The following EHBP1 variants were observed in gnomAD, a reference collection of about 807,000 sequenced individuals.
EHBP1 encodes EH domain binding protein 1.
Under a neutral mutation model 144.0 loss-of-function variants are expected in EHBP1, and 55 were observed. The observed-to-expected ratio is 0.38, with a 90% CI of 0.31 to 0.48. EHBP1 has a LOEUF of 0.48. EHBP1 is among the 20% of genes least tolerant of loss of function. The pLI, the probability that EHBP1 is intolerant of heterozygous loss-of-function variation, is 0.98. For missense variants in EHBP1, 1,200 were observed against 1,364.2 expected, an observed-to-expected ratio of 0.88 and a Z score of 1.90; for synonymous variants, 469 against 472.7, an observed-to-expected ratio of 0.99 and a Z score of 0.10.
intron 19 of EHBP1, among the ~76,000 whole-genome samples, chr2:63,022,827 AAG>A (rs1402268378): frequency 6.6e-6 from 1 of 152,178 alleles, no homozygotes; most frequent in African/African-American, 2.4e-5. Flanking sequence ...TCATCAGAAA[AAG>A]TTTACAGTGT....
rs560353742 is a variant in EHBP1, at chr2:62,681,668, C to T, written c.-296+7585C>T. Among the ~76,000 whole-genome samples, 63 of 152,044 alleles carry T rather than the reference C, an allele frequency of 4.1e-4. 1 individual carries two copies. Among genetic ancestry groups the T allele is most frequent in the African/African-American group, 1.4e-3 (56 of 41,466 alleles). ...TAAAATACTGAAAAATGTTTTCCCC[C>T]CTGTTTTTTAGTTTTGCACCTGGAA... On this transcript the variant is annotated intron_variant, in intron 1 of 22. Transcript: ENST00000405015.
At chr2:62,850,524 T>A (rs1451219555) in intron 7 of EHBP1, among the ~76,000 whole-genome samples, 1 of 152,166 alleles carries the variant, frequency 6.6e-6, no homozygotes, top group African/African-American at 2.4e-5. Context: ...CTTATTCTCA[T>A]CAATGTGAAG....
chr2:62,953,083 G>GTA (rs2057474410), intron 13 of EHBP1, among the ~76,000 whole-genome samples: 4 of 151,990 alleles, frequency 2.6e-5, no homozygotes, highest in Admixed American at 2.0e-4. Context: ...CCAGGGTGGT[G>GTA]GCACATGCCT....
chr2:62,741,742 T>C (rs1457283030), intron 2 of EHBP1, among the ~76,000 whole-genome samples: 1 of 152,094 alleles, frequency 6.6e-6, no homozygotes, highest in Non-Finnish European at 1.5e-5. Context: ...GTTCTGAATC[T>C]GTGGATTCAG....
intron 19 of EHBP1, among the ~76,000 whole-genome samples, chr2:62,999,799 C>CA (rs1230089742): frequency 6.6e-6 from 1 of 152,128 alleles, no homozygotes; most frequent in Non-Finnish European, 1.5e-5. Flanking sequence ...GTCTGAATCT[C>CA]TGTTTTCATT....
chr2:62,689,848 A>C (rs1350562654), intron 1 of EHBP1, among the ~76,000 whole-genome samples: 2 of 152,196 alleles, frequency 1.3e-5, no homozygotes, highest in African/African-American at 4.8e-5. Flanking sequence ...TGGATGAATG[A>C]TAAAGTATAC....
At chr2:62,872,519 G>A (rs373663446) in intron 9 of EHBP1, among the ~76,000 whole-genome samples, 15 of 152,002 alleles carry the variant, frequency 9.9e-5, no homozygotes, top group African/African-American at 2.9e-4. Flanking sequence ...GTAGAGAAAG[G>A]GATAAGTGTT....
At chr2:62,977,921 G>A (rs952459145) in intron 14 of EHBP1, among the ~76,000 whole-genome samples, 1 of 152,134 alleles carries the variant, frequency 6.6e-6, no homozygotes, top group Non-Finnish European at 1.5e-5. Flanking sequence ...GGAAGAATGA[G>A]TAGAAATTAA....
At chr2:62,763,502 G>A (rs7573756) in intron 3 of EHBP1, among the ~76,000 whole-genome samples, 51,025 of 152,008 alleles carry the variant, frequency 0.34, 8,601 homozygotes, top group Middle Eastern at 0.43. Flanking sequence ...AAAGTACTCT[G>A]TAAGTGTTAG....
At chr2:62,725,251 G>A (rs2036647226) in intron 2 of EHBP1, among the ~76,000 whole-genome samples, 1 of 152,154 alleles carries the variant, frequency 6.6e-6, no homozygotes, top group South Asian at 2.1e-4. Context: ...TCATTTGCTT[G>A]TGCCTTATTT....
intron 14 of EHBP1, among the ~76,000 whole-genome samples, chr2:62,958,289 G>T (rs944967666): frequency 1.1e-4 from 16 of 152,132 alleles, no homozygotes; most frequent in African/African-American, 3.4e-4. Flanking sequence ...TTTGTTTGTA[G>T]TACCCAGAAA....
At chr2:62,957,341 A>G (rs2057753432) in intron 14 of EHBP1, among the ~76,000 whole-genome samples, 1 of 152,150 alleles carries the variant, frequency 6.6e-6, no homozygotes, top group Non-Finnish European at 1.5e-5. Context: ...ATAGAAAGGA[A>G]CTTTATTACT....
At chr2:63,029,702 A>T (rs1021714172) in intron 19 of EHBP1, among the ~76,000 whole-genome samples, 1 of 152,140 alleles carries the variant, frequency 6.6e-6, no homozygotes, top group Non-Finnish European at 1.5e-5. Context: ...CAAGGGGCTC[A>T]ATTTTTTTTA....
At chr2:62,943,907 C>A in intron 12 of EHBP1, 57 bp downstream of exon 12, 6 of 1,347,922 alleles carry the variant, frequency 4.5e-6, no homozygotes, top group South Asian at 2.5e-5. Flanking sequence ...CTCTGCAGGT[C>A]TTTATTAATT....
intron 2 of EHBP1, among the ~76,000 whole-genome samples, chr2:62,742,757 G>A (rs2152116156): frequency 6.6e-6 from 1 of 152,204 alleles, no homozygotes; most frequent in East Asian, 1.9e-4. Flanking sequence ...CCCTACTTCT[G>A]TTGACTTGGA....
intron 15 of EHBP1, among the ~76,000 whole-genome samples, chr2:62,983,066 G>A (rs1490705050): frequency 6.6e-6 from 1 of 152,062 alleles, no homozygotes; most frequent in African/African-American, 2.4e-5. Context: ...TACTTGTGGG[G>A]CTTATGAGAA....
chr2:62,874,478 A>C lies in EHBP1; in HGVS notation c.1131A>C (p.Gly377=). 2.5e-6 allele frequency: 4 copies of C among 1,612,006 alleles called. No homozygotes were observed. The South Asian group carries it at 4.4e-5, about 18-fold the overall frequency. The change falls in exon 10 of 23, where the codon GGA becomes GGC. Residue 377 remains glycine (G), a synonymous_variant. Coordinates refer to ENST00000431489, the MANE Select transcript of EHBP1 (RefSeq NM_001142616.3). Reference sequence around the variant, plus strand: ...CACCAGTCCTCTCACCAAAAACAGGAGTATTAAATGAAAACACAGTTTCTG... The same window carrying C: ...CACCAGTCCTCTCACCAAAAACAGGCGTATTAAATGAAAACACAGTTTCTG... ...PAPPVLSPKT[G]VLNENTVSAG... is the part of the protein sequence containing the mutation.
At chr2:62,826,332 C>T in intron 6 of EHBP1, 64 bp downstream of exon 6, 1 of 1,409,544 alleles carries the variant, frequency 7.1e-7, no homozygotes, top group Non-Finnish European at 9.5e-7. Context: ...GCTTTTGACT[C>T]AGTAGACTGG....
intron 7 of EHBP1, among the ~76,000 whole-genome samples, chr2:62,835,549 A>G (rs1180443051): frequency 1.3e-5 from 2 of 152,186 alleles, no homozygotes; most frequent in Non-Finnish European, 2.9e-5. Flanking sequence ...GACGCAGAAG[A>G]CGGGTGATTT....
Sources: gnomAD v4.1 joint callset for allele counts (sites outside exome capture counted in the v4.1 genomes callset) on GRCh38, gnomAD v4.1.1 for gene constraint, MANE v1.5 for transcripts, NCBI Gene and HGNC (gene_info 2026-07-23, HGNC 2026-07-21) for gene names.